DNAH6: variants seen among roughly 807,000 people sequenced by gnomAD.
DNAH6 encodes dynein axonemal heavy chain 6.
DNAH6 carries 340 observed loss-of-function variants against 491.4 expected under a neutral mutation model. The ratio of observed to expected loss-of-function variants is 0.69; its 90% CI spans 0.63 to 0.76. The LOEUF (loss-of-function observed/expected upper bound fraction) is 0.76, where lower values mean the gene tolerates loss of function less well. DNAH6 is among the 30% of genes least tolerant of loss of function. The pLI is 0.00. For missense variants in DNAH6, 4,443 were observed against 4,972.2 expected (o/e 0.89, Z 3.20); for synonymous variants, 1,603 against 1,686.1 (o/e 0.95, Z 1.21).
chr2:84,495,346 A>G, the DNAH6 span, among the ~76,000 whole-genome samples: 4 of 152,228 alleles, frequency 2.6e-5, no homozygotes, highest in East Asian at 3.9e-4. Flanking sequence ...TATTTTTAGT[A>G]GAGACAGGGT....
At chr2:84,769,513 A>T (rs1675413238) in intron 64 of DNAH6, among the ~76,000 whole-genome samples, 1 of 152,228 alleles carries the variant, frequency 6.6e-6, no homozygotes, top group African/African-American at 2.4e-5. Flanking sequence ...TGGCATTTTA[A>T]CTTACCCCAA....
intron 58 of DNAH6, among the ~76,000 whole-genome samples, chr2:84,717,089 T>C (rs1480967511): frequency 2.0e-5 from 3 of 152,168 alleles, no homozygotes; most frequent in Non-Finnish European, 2.9e-5. Flanking sequence ...ACAAGGCCAT[T>C]TTTCAACTTC....
Position 84,621,239 on chromosome 2 carries a change from C to T in DNAH6, c.3841C>T (p.Leu1281Phe), listed in dbSNP as rs1687365836. The T allele has an allele frequency of 6.4e-7, 1 of 1,551,498 alleles. No homozygotes were observed. Among genetic ancestry groups the T allele is most frequent in the African/African-American group, 1.4e-5 (1 of 73,044 alleles). Residue 1281 changes from leucine (L) to phenylalanine (F), a missense_variant, in exon 25 of 77, where the codon CTT becomes TTT. By Grantham distance (22) the Leu-to-Phe change is conservative. Coordinates refer to ENST00000389394, the MANE Select transcript of DNAH6 (RefSeq NM_001370.2). ...LKARGNVEEW[L>F]GKVEEAMFTS... ...GGCCCGAGGCAATGTAGAGGAATGG[C>T]TTGGTAAAGTGGAAGAAGCCATGTT...
chr2:84,580,972 G>T (rs115575764), intron 14 of DNAH6, among the ~76,000 whole-genome samples: 1,685 of 152,224 alleles, frequency 0.011, 42 homozygotes, highest in African/African-American at 0.038. Flanking sequence ...CTCTCCCTCT[G>T]CAGACAGCTA....
chr2:84,709,820 C>A (rs1696864218), intron 55 of DNAH6, among the ~76,000 whole-genome samples: 1 of 152,114 alleles, frequency 6.6e-6, no homozygotes, highest in African/African-American at 2.4e-5. Context: ...TCTGTGAGGG[C>A]AGAAATCCAC....
intron 41 of DNAH6, 133 bp from the exon 42 acceptor site, chr2:84,681,223 GC>G: frequency 5.5e-6 from 4 of 722,478 alleles, no homozygotes; most frequent in African/African-American, 1.8e-5. Flanking sequence ...GAGCAGAAGA[GC>G]TTTGATACCA....
At chr2:84,490,655 G>A in the DNAH6 span, among the ~76,000 whole-genome samples, 6 of 152,172 alleles carry the variant, frequency 3.9e-5, no homozygotes, top group South Asian at 1.0e-3. Flanking sequence ...TCCACCTCCC[G>A]GGTTCAAGCA....
intron 58 of DNAH6, 57 bp from the exon 59 acceptor site, chr2:84,718,147 A>G (rs1697731174): frequency 7.3e-7 from 1 of 1,375,446 alleles, no homozygotes. Context: ...AGAAAAATAG[A>G]AGCAACTTTG....
intron 63 of DNAH6, among the ~76,000 whole-genome samples, chr2:84,759,903 T>C (rs530308125): frequency 6.6e-6 from 1 of 152,284 alleles, no homozygotes; most frequent in African/African-American, 2.4e-5. Context: ...AATGAAGTGC[T>C]GACATCAAAT....
At chr2:84,535,668 T>C (rs939180946) in intron 4 of DNAH6, among the ~76,000 whole-genome samples, 2 of 149,138 alleles carry the variant, frequency 1.3e-5, no homozygotes, top group Non-Finnish European at 3.0e-5. Context: ...TTTATACTAC[T>C]TGGAACCAGA....
chr2:84,808,392 A>C, intron 71 of DNAH6, 23 bp from the exon 72 acceptor site: 2 of 1,501,052 alleles, frequency 1.3e-6, no homozygotes, highest in Non-Finnish European at 1.8e-6. Context: ...GACTGGCCTG[A>C]GGAATCGCTG....
At chr2:84,478,745 C>A in the DNAH6 span, among the ~76,000 whole-genome samples, 1 of 152,174 alleles carries the variant, frequency 6.6e-6, no homozygotes, top group Non-Finnish European at 1.5e-5. Flanking sequence ...GGCCCAACAA[C>A]AATCTTGGCC....
At chr2:84,786,897 T>C (rs1199285632) in intron 67 of DNAH6, among the ~76,000 whole-genome samples, 1 of 152,186 alleles carries the variant, frequency 6.6e-6, no homozygotes, top group African/African-American at 2.4e-5. Context: ...TATTTTATCC[T>C]GAAGGAAAAA....
intron 64 of DNAH6, among the ~76,000 whole-genome samples, chr2:84,775,461 C>G (rs1465995492): frequency 6.6e-6 from 1 of 152,050 alleles, no homozygotes; most frequent in Non-Finnish European, 1.5e-5. Flanking sequence ...AGATATTGGC[C>G]TGACGTTTTC....
chr2:84,547,456 C>T lies in DNAH6; in HGVS notation c.1066-36C>T, dbSNP rs755213863. On this transcript the variant is annotated intron_variant, in intron 6 of 76. Coordinates refer to ENST00000389394, the MANE Select transcript of DNAH6 (RefSeq NM_001370.2). ...GCTTTTTTCCCTATTTTTGATACTT[C>T]AGTATCACTAACTGTACATATTCAA... The T allele has an allele frequency of 3.2e-6, 5 of 1,551,350 alleles. No individual in the cohort carries two copies. In the East Asian group the frequency reaches 9.8e-5, roughly 30 times the overall value.
At chr2:84,708,275 TA>T (rs761577094) in intron 54 of DNAH6, among the ~76,000 whole-genome samples, 5,698 of 142,894 alleles carry the variant, frequency 0.04, 163 homozygotes, top group Non-Finnish European at 0.065. Flanking sequence ...TCGTCTCTAC[TA>T]AAAAAAAAAA....
In DNAH6 at chr2:84,528,956, A is replaced by C. The variant is rs191347930; in HGVS notation, c.452A>C (p.His151Pro). The change falls in exon 4 of 77, where the codon CAT becomes CCT. Residue 151 changes from histidine (H) to proline (P), a missense_variant. Physicochemically the swap from His to Pro is moderately conservative, Grantham distance 77. Coordinates refer to ENST00000389394, the MANE Select transcript of DNAH6 (RefSeq NM_001370.2). The part of the protein sequence containing the change: ...VFSPSPPKLP[H>P]TGIGKRGLFG... ...TCTCCCTCTCCTCCTAAACTGCCAC[A>C]TACTGGTATTGGAAAAAGAGGTCTC... is the stretch of plus-strand genomic sequence containing the variant. 6.4e-7 allele frequency: 1 copy of C among 1,550,696 alleles called. No individual in the cohort carries two copies. Among genetic ancestry groups the C allele is most frequent in the Admixed American group, 2.0e-5 (1 of 50,914 alleles).
At position 84,604,477 on chromosome 2, in the gene DNAH6, G is replaced by T. The variant is rs1161049813; in HGVS notation, c.3007G>T (p.Asp1003Tyr). 4.5e-6 allele frequency: 7 copies of T among 1,551,578 alleles called. No homozygotes were observed. In the African/African-American group the frequency reaches 5.5e-5, roughly 12 times the overall value. ...GAGGCTCTCCCAGTTGCATGTTTTT[G>T]ACTTTGGTCAAGAAATCCAGGACAT... ...LERLSQLHVF[D>Y]FGQEIQDISG... The change falls in exon 19 of 77, where the codon GAC becomes TAC. Residue 1003 changes from aspartate (D) to tyrosine (Y), a missense_variant. Asp to Tyr is a radical substitution (Grantham distance 160). Transcript: ENST00000389394.
chr2:84,485,614 A>G, the DNAH6 span, among the ~76,000 whole-genome samples: 5 of 152,208 alleles, frequency 3.3e-5, no homozygotes, highest in South Asian at 1.0e-3. Flanking sequence ...GTGCTGCTGT[A>G]AACATCCTTT....
Sources: allele counts gnomAD v4.1 joint callset (sites outside exome capture counted in the v4.1 genomes callset), GRCh38; gene constraint gnomAD v4.1.1; transcripts MANE v1.5; gene names NCBI Gene and HGNC (gene_info 2026-07-23, HGNC 2026-07-21).